Variants in BCAR3 observed in about 807,000 individuals in gnomAD.
The protein encoded by BCAR3 is BCAR3 adaptor protein, NSP family member.
BCAR3 carries 37 observed loss-of-function variants against 80.1 expected under a neutral mutation model. The observed-to-expected ratio is 0.46, with a 90% CI of 0.36 to 0.61. The LOEUF (loss-of-function observed/expected upper bound fraction) is 0.61, where lower values mean the gene tolerates loss of function less well. Ranked by LOEUF, BCAR3 falls within the 20% of genes least tolerant of loss-of-function variation. The pLI, the probability that BCAR3 is intolerant of heterozygous loss-of-function variation, is 0.00. For missense variants in BCAR3, 978 were observed against 1,068.2 expected (o/e 0.92, Z 1.18); for synonymous variants, 389 against 418.9 (o/e 0.93, Z 0.87).
Position 93,579,646 on chromosome 1 carries a change from C to T in BCAR3, c.1686+2655G>A, listed in dbSNP as rs535706883. Among the ~76,000 whole-genome samples, 3 of 152,202 alleles carry T rather than the reference C, an allele frequency of 2.0e-5. No individual in the cohort carries two copies. In the South Asian group the frequency reaches 6.2e-4, roughly 32 times the overall value. On this transcript the variant is annotated intron_variant, in intron 7 of 11. Transcript: ENST00000260502. Reference sequence around the variant, plus strand: ...CAGGTCCCAGGCCTCCTGCCAAGGGCGGGCAGGCAGGCATCTCTCCTCCAC... The same window carrying T: ...CAGGTCCCAGGCCTCCTGCCAAGGGTGGGCAGGCAGGCATCTCTCCTCCAC...
At chr1:93,719,175 G>T (rs1392618597) in intron 2 of BCAR3, among the ~76,000 whole-genome samples, 1 of 151,930 alleles carries the variant, frequency 6.6e-6, no homozygotes, top group Non-Finnish European at 1.5e-5. Context: ...TCATCTCCAG[G>T]TTCTCATAGA....
At chr1:93,576,164 G>C in intron 7 of BCAR3, 35 bp from the exon 8 acceptor site, 1 of 1,538,206 alleles carries the variant, frequency 6.5e-7, no homozygotes, top group South Asian at 1.1e-5. Flanking sequence ...CACTGGATCA[G>C]GAAGTGGGCT....
intron 3 of BCAR3, among the ~76,000 whole-genome samples, chr1:93,618,169 C>T (rs998731224): frequency 2.6e-5 from 4 of 152,218 alleles, no homozygotes; most frequent in Non-Finnish European, 5.9e-5. Flanking sequence ...TTTCTTGCTC[C>T]GAAAGGGAAT....
chr1:93,667,785 G>A (rs1571025315), intron 2 of BCAR3, among the ~76,000 whole-genome samples: 1 of 152,156 alleles, frequency 6.6e-6, no homozygotes, highest in Non-Finnish European at 1.5e-5. Flanking sequence ...ACACCATTCC[G>A]AAGCATGACC....
chr1:93,656,735 C>A (rs1037162876), intron 2 of BCAR3, among the ~76,000 whole-genome samples: 2 of 151,946 alleles, frequency 1.3e-5, no homozygotes, highest in Non-Finnish European at 2.9e-5. Context: ...TCCTGAATAG[C>A]TAGGACTACA....
rs112395834 is a variant in BCAR3 at position 93,653,378 on chromosome 1, T to C, written c.318-11035A>G. Among the ~76,000 whole-genome samples the C allele has an allele frequency of 1.1e-3, 165 of 152,332 alleles. 1 individual carries two copies. Among genetic ancestry groups the C allele is most frequent in the African/African-American group, 3.6e-3 (148 of 41,572 alleles). ...CACGCACACTAGCAATCTGTAGAGG[T>C]GGCACACCTCCTGTGTGCACTTGGC... On this transcript the variant is annotated intron_variant, in intron 2 of 11. Coordinates refer to ENST00000260502, the MANE Select transcript of BCAR3 (RefSeq NM_003567.4).
At chr1:93,790,537 C>G (rs914429601) in intron 2 of BCAR3, among the ~76,000 whole-genome samples, 1 of 151,316 alleles carries the variant, frequency 6.6e-6, no homozygotes, top group Non-Finnish European at 1.5e-5. Context: ...TCCTATGAAT[C>G]CAGTAGTGCA....
chr1:93,592,618 ACC>A lies in BCAR3; in HGVS notation c.358-227_358-226del. On this transcript the variant is annotated intron_variant, in intron 3 of 11. Coordinates refer to ENST00000260502, the MANE Select transcript of BCAR3 (RefSeq NM_003567.4). This position sits in a 1 kb window ranked among gnomAD's most constrained non-coding sequence, Gnocchi z 4.8. ...CATGGGGACTATGGTAGGAGAGTCCACCAAGAGGTTCCTTTTACCAGTCTACT... is the reference window on the plus strand; with the variant it reads ...CATGGGGACTATGGTAGGAGAGTCCAAAGAGGTTCCTTTTACCAGTCTACT... 2.1e-6 allele frequency: 1 copy of A among 475,974 alleles called. No homozygotes were observed. Among genetic ancestry groups the A allele is most frequent in the Non-Finnish European group, 3.6e-6 (1 of 275,162 alleles). 29.5% of individuals were successfully genotyped at this position (475,974 alleles called of 1,614,324 possible).
intron 3 of BCAR3, among the ~76,000 whole-genome samples, chr1:93,634,508 G>A (rs866182334): frequency 3.9e-5 from 6 of 151,936 alleles, no homozygotes; most frequent in Non-Finnish European, 5.9e-5. Context: ...GCTGGCCAAC[G>A]TGGCAAAACC....
At chr1:93,790,595 G>T (rs1423548381) in intron 2 of BCAR3, among the ~76,000 whole-genome samples, 2 of 138,664 alleles carry the variant, frequency 1.4e-5, no homozygotes, top group Non-Finnish European at 3.1e-5. Context: ...TTTCATGTAA[G>T]ATCTAAAACA....
intron 2 of BCAR3, among the ~76,000 whole-genome samples, chr1:93,763,768 TGGAACATAAA>T (rs1396024418): frequency 1.3e-5 from 2 of 152,228 alleles, no homozygotes; most frequent in Non-Finnish European, 2.9e-5. Flanking sequence ...ATTGGCTTTC[TGGAACATAAA>T]GGCCTGACTT....
At chr1:93,693,184 C>T (rs1368063316) in intron 3 of BCAR3, among the ~76,000 whole-genome samples, 3 of 152,196 alleles carry the variant, frequency 2.0e-5, no homozygotes, top group Non-Finnish European at 4.4e-5. Context: ...AACCCTCCTG[C>T]AAGGGAGCAA....
intron 3 of BCAR3, among the ~76,000 whole-genome samples, chr1:93,620,035 C>G (rs551370498): frequency 7.2e-5 from 11 of 152,346 alleles, no homozygotes; most frequent in Admixed American, 3.3e-4. Context: ...AGGCACTCTA[C>G]AAACATGAGC....
chr1:93,595,344 AG>A (rs1039484692), intron 3 of BCAR3, among the ~76,000 whole-genome samples: 1 of 152,094 alleles, frequency 6.6e-6, no homozygotes, highest in African/African-American at 2.4e-5. Context: ...AGAGGAAAGG[AG>A]GGAGAGAGGG....
chr1:93,608,679 G>A (rs1476840340), intron 3 of BCAR3, among the ~76,000 whole-genome samples: 3 of 152,140 alleles, frequency 2.0e-5, no homozygotes, highest in Admixed American at 2.0e-4. Context: ...GGTCTGCTAG[G>A]GAACCGGGTC....
intron 3 of BCAR3, among the ~76,000 whole-genome samples, chr1:93,600,150 A>C (rs1421571761): frequency 6.6e-6 from 1 of 152,228 alleles, no homozygotes; most frequent in Non-Finnish European, 1.5e-5. Flanking sequence ...TCTAATATTT[A>C]GTTTTCATTC....
At chr1:93,769,775 T>C (rs1362753602) in intron 2 of BCAR3, among the ~76,000 whole-genome samples, 1 of 152,216 alleles carries the variant, frequency 6.6e-6, no homozygotes, top group Non-Finnish European at 1.5e-5. Flanking sequence ...TTCCTCATAA[T>C]AATACTCCAT....
chr1:93,735,341 C>G (rs1650937292), intron 2 of BCAR3, among the ~76,000 whole-genome samples: 1 of 152,206 alleles, frequency 6.6e-6, no homozygotes, highest in African/African-American at 2.4e-5. Flanking sequence ...ATCTGACTGT[C>G]CAGATAAGGA....
At chr1:93,790,178 G>C (rs1653091572) in intron 2 of BCAR3, among the ~76,000 whole-genome samples, 1 of 151,900 alleles carries the variant, frequency 6.6e-6, no homozygotes, top group South Asian at 2.1e-4. Flanking sequence ...AGAAATATTA[G>C]AAAAATAATA....
Sources: gnomAD v4.1 joint callset for allele counts (sites outside exome capture counted in the v4.1 genomes callset) on GRCh38, gnomAD v4.1.1 for gene constraint, Gnocchi (gnomAD v3.1) non-coding constraint, MANE v1.5 for transcripts, NCBI Gene and HGNC (gene_info 2026-07-23, HGNC 2026-07-21) for gene names.